GREB1L: variants seen among roughly 807,000 people sequenced by gnomAD.
The protein encoded by GREB1L is GREB1 like retinoic acid receptor coactivator.
Under a neutral mutation model 200.8 loss-of-function variants are expected in GREB1L, and 17 were observed. The observed-to-expected ratio is 0.08, with a 90% CI of 0.06 to 0.13. The LOEUF (loss-of-function observed/expected upper bound fraction) is 0.13. Ranked by LOEUF, GREB1L falls within the 10% of genes least tolerant of loss-of-function variation. The probability of loss-of-function intolerance (pLI) is 1.00; values close to 1 mark genes in which losing one functional copy is unlikely to be tolerated. For missense variants in GREB1L, 1,657 were observed against 2,367.7 expected (o/e 0.70, Z 6.23); for synonymous variants, 789 against 893.0 (o/e 0.88, Z 2.08).
At chr18:21,437,654 C>T (rs2033631419) in intron 7 of GREB1L, among the ~76,000 whole-genome samples, 1 of 151,762 alleles carries the variant, frequency 6.6e-6, no homozygotes, top group Non-Finnish European at 1.5e-5. Context: ...ATAAGTGACA[C>T]CACAGGTATA....
In GREB1L at chr18:21,431,420, A is replaced by T. The variant is rs146063026; in HGVS notation, c.833-8101A>T. ...ATGTGTTATTTTTCATAAATTTGTG[A>T]ATTTCTTAAATTTTCTTCTGTTATT... On this transcript the variant is annotated intron_variant, in intron 7 of 32. Transcript: ENST00000424526. Among the ~76,000 whole-genome samples the T allele has an allele frequency of 4.8e-3, 732 of 152,194 alleles. 4 individuals are homozygous for T. Among genetic ancestry groups the T allele is most frequent in the Middle Eastern group, 0.014 (4 of 294 alleles).
intron 7 of GREB1L, among the ~76,000 whole-genome samples, chr18:21,426,560 AT>A (rs2032594096): frequency 6.6e-6 from 1 of 152,158 alleles, no homozygotes; most frequent in South Asian, 2.1e-4. Context: ...CTTGATCTGT[AT>A]GTCTGTCCTT....
intron 4 of GREB1L, among the ~76,000 whole-genome samples, chr18:21,393,673 C>T (rs2040923577): frequency 6.6e-6 from 1 of 152,154 alleles, no homozygotes; most frequent in South Asian, 2.1e-4. Context: ...TCATGATCCG[C>T]CCGCTTCTGC....
In GREB1L at chr18:21,362,138, TA is replaced by T. The variant is rs35504931; in HGVS notation, c.-119-3881del. Reference sequence around the variant, plus strand: ...TGTATGTATTCTACTTTGCCAGCCTTAAAAAAAACCCAGAAAATTCTGAGAT... The same window carrying T: ...TGTATGTATTCTACTTTGCCAGCCTTAAAAAAACCCAGAAAATTCTGAGAT... On this transcript the variant is annotated intron_variant, in intron 1 of 32. Coordinates refer to ENST00000424526, the MANE Select transcript of GREB1L (RefSeq NM_001142966.3). Among the ~76,000 whole-genome samples, 73 of 151,998 alleles carry T rather than the reference TA, an allele frequency of 4.8e-4. 2 individuals carry two copies. The South Asian group carries it at 0.015, about 31-fold the overall frequency.
At chr18:21,439,749 G>GT in intron 8 of GREB1L, 112 bp downstream of exon 8, 1 of 701,818 alleles carries the variant, frequency 1.4e-6, no homozygotes, top group Non-Finnish European at 2.5e-6. Context: ...TTCTCAGTTC[G>GT]TCATACAGTG....
At chr18:21,337,928 A>T (rs1430358606) in intron 1 of GREB1L, among the ~76,000 whole-genome samples, 1 of 152,070 alleles carries the variant, frequency 6.6e-6, no homozygotes, top group Non-Finnish European at 1.5e-5. Context: ...CGGAGCTTGC[A>T]GTGAGCCGAG....
At chr18:21,484,994 T>C (rs1387667292) in intron 17 of GREB1L, among the ~76,000 whole-genome samples, 2 of 152,180 alleles carry the variant, frequency 1.3e-5, no homozygotes, top group Non-Finnish European at 2.9e-5. Context: ...AGTTTAAGGA[T>C]AAGCAACTTG....
intron 29 of GREB1L, among the ~76,000 whole-genome samples, chr18:21,515,990 C>T (rs1469930353): frequency 2.0e-5 from 3 of 151,940 alleles, no homozygotes; most frequent in African/African-American, 4.8e-5. Flanking sequence ...AAGGAAATCA[C>T]TTTTCCTGAA....
intron 1 of GREB1L, among the ~76,000 whole-genome samples, chr18:21,351,979 T>C (rs9947645): frequency 0.2 from 30,180 of 151,762 alleles, 7,136 homozygotes; most frequent in African/African-American, 0.57. Context: ...TCCTGAGTAG[T>C]TGGGATTACA....
At chr18:21,356,496 C>G (rs547068298) in intron 1 of GREB1L, among the ~76,000 whole-genome samples, 1 of 152,106 alleles carries the variant, frequency 6.6e-6, no homozygotes, top group Admixed American at 6.6e-5. Context: ...TTCCAAATAA[C>G]AGGATTTCAT....
chr18:21,515,729 G>T (rs535617307), intron 29 of GREB1L, 85 bp downstream of exon 29: 11 of 968,478 alleles, frequency 1.1e-5, no homozygotes, highest in Middle Eastern at 6.2e-4. Context: ...GCTTTTATTC[G>T]TATGTCTTCA....
chr18:21,369,557 A>T (rs1353977739), intron 2 of GREB1L, among the ~76,000 whole-genome samples: 1 of 152,188 alleles, frequency 6.6e-6, no homozygotes, highest in South Asian at 2.1e-4. Flanking sequence ...TGTAGTCATG[A>T]TAGTTTTTAG....
chr18:21,442,777 AC>A (rs2033971231), intron 10 of GREB1L, among the ~76,000 whole-genome samples: 1 of 148,216 alleles, frequency 6.7e-6, no homozygotes, highest in East Asian at 2.0e-4. Flanking sequence ...AATTTAGCTT[AC>A]TTTTTTTTTT....
At chr18:21,503,355 C>T (rs1048876158) in intron 23 of GREB1L, among the ~76,000 whole-genome samples, 7 of 151,180 alleles carry the variant, frequency 4.6e-5, no homozygotes, top group African/African-American at 1.2e-4. Context: ...TACAGGCTCA[C>T]GCCATCATGC....
chr18:21,296,595 G>A (rs2038530449), intron 1 of GREB1L, among the ~76,000 whole-genome samples: 1 of 151,510 alleles, frequency 6.6e-6, no homozygotes, highest in African/African-American at 2.4e-5. Context: ...AAAATCACCA[G>A]TACATACACA....
chr18:21,318,356 G>T (rs2038904468), intron 1 of GREB1L, among the ~76,000 whole-genome samples: 1 of 152,074 alleles, frequency 6.6e-6, no homozygotes, highest in African/African-American at 2.4e-5. Flanking sequence ...GAAAACCCCT[G>T]GTATCTTATA....
intron 19 of GREB1L, among the ~76,000 whole-genome samples, chr18:21,492,616 T>C (rs1568055781): frequency 6.6e-6 from 1 of 152,226 alleles, no homozygotes; most frequent in Non-Finnish European, 1.5e-5. Flanking sequence ...AGTCAAGGCC[T>C]GAGGTTCTTC....
chr18:21,329,326 A>G (rs1339301527), intron 1 of GREB1L, among the ~76,000 whole-genome samples: 1 of 149,152 alleles, frequency 6.7e-6, no homozygotes, highest in East Asian at 1.9e-4. Flanking sequence ...CTCTGTCTAA[A>G]AAAAAAAAAA....
intron 18 of GREB1L, among the ~76,000 whole-genome samples, chr18:21,487,189 T>C (rs1225629888): frequency 6.6e-6 from 1 of 152,230 alleles, no homozygotes; most frequent in African/African-American, 2.4e-5. Context: ...GCATCTTCTT[T>C]TTCTGGTAAC....
Sources: gnomAD v4.1 joint callset for allele counts (sites outside exome capture counted in the v4.1 genomes callset) on GRCh38, gnomAD v4.1.1 for gene constraint, MANE v1.5 for transcripts, NCBI Gene and HGNC (gene_info 2026-07-23, HGNC 2026-07-21) for gene names.